SLC4A7: variants seen among roughly 807,000 people sequenced by gnomAD.
The protein encoded by SLC4A7 is sodium bicarbonate cotransporter 3.
SLC4A7 carries 51 observed loss-of-function variants against 137.6 expected under a neutral mutation model. That is an observed-to-expected ratio of 0.37 (90% confidence interval 0.30 to 0.47). SLC4A7 has a LOEUF of 0.47. Ranked by LOEUF, SLC4A7 falls within the 20% of genes least tolerant of loss-of-function variation. SLC4A7 has a pLI of 1.00. For synonymous variants in SLC4A7, 542 were observed against 518.6 expected, an observed-to-expected ratio of 1.05 and a Z score of -0.61; for missense variants, 1,247 against 1,525.4, an observed-to-expected ratio of 0.82 and a Z score of 3.04.
At chr3:27,381,806 C>T (rs2050444796) in intron 24 of SLC4A7, among the ~76,000 whole-genome samples, 1 of 152,120 alleles carries the variant, frequency 6.6e-6, no homozygotes, top group Non-Finnish European at 1.5e-5. Flanking sequence ...AATAGGAGGG[C>T]CAGGCACAGT....
At position 27,484,061 on chromosome 3, in the gene SLC4A7, C is replaced by T; in HGVS notation, c.60+6G>A. The T allele has an allele frequency of 1.4e-6, 2 of 1,405,292 alleles. No homozygotes were observed. Among genetic ancestry groups the T allele is most frequent in the Non-Finnish European group, 1.9e-6 (2 of 1,075,386 alleles). The allele number at this position is 1,405,292 out of a possible 1,614,324, so 87.1% of individuals were successfully genotyped here. A position where few individuals can be genotyped will look rare whatever the true frequency, so the allele number is the denominator to read the frequency against. Reference sequence around the variant, plus strand: ...CGGAGGAGCCCCACCGCCGCGGCGCCCTCACCCTGCTCGTTACCCGGGTGA... The same window carrying T: ...CGGAGGAGCCCCACCGCCGCGGCGCTCTCACCCTGCTCGTTACCCGGGTGA... On this transcript the variant is annotated splice_donor_region_variant and intron_variant, in intron 1 of 25. Transcript: ENST00000454389.
At chr3:27,405,612 A>T (rs1252814753) in intron 13 of SLC4A7, among the ~76,000 whole-genome samples, 1 of 152,234 alleles carries the variant, frequency 6.6e-6, no homozygotes, top group African/African-American at 2.4e-5. Context: ...CTATAAAAAG[A>T]TCTTTCGAAT....
chr3:27,417,600 A>G (rs1293684823), intron 11 of SLC4A7, among the ~76,000 whole-genome samples: 4 of 152,094 alleles, frequency 2.6e-5, no homozygotes, highest in Non-Finnish European at 4.4e-5. Context: ...CAAAGTATCA[A>G]AAAATTAGCT....
intron 7 of SLC4A7, chr3:27,428,143 A>G (rs1395748570): frequency 1.3e-5 from 2 of 152,652 alleles, no homozygotes; most frequent in East Asian, 3.8e-4. Flanking sequence ...TTACTTCTGA[A>G]TAATTATTTT....
intron 3 of SLC4A7, among the ~76,000 whole-genome samples, chr3:27,441,647 C>T (rs1238702750): frequency 6.6e-6 from 1 of 151,904 alleles, no homozygotes; most frequent in Non-Finnish European, 1.5e-5. Flanking sequence ...CATTGCCATA[C>T]CCAGGTAATT....
At chr3:27,464,621 A>C (rs1316471689) in intron 1 of SLC4A7, among the ~76,000 whole-genome samples, 1 of 151,906 alleles carries the variant, frequency 6.6e-6, no homozygotes, top group Admixed American at 6.6e-5. Flanking sequence ...TGAACCCGGG[A>C]GGCAGAGGTT....
At position 27,448,216 on chromosome 3, in the gene SLC4A7, C is replaced by CAAA. The variant is rs34846975; in HGVS notation, c.289+432_289+434dup. On this transcript the variant is annotated intron_variant, in intron 3 of 25. Transcript: ENST00000454389. Reference sequence around the variant, plus strand: ...GGGGTGACAGAGTAAGACTCCATCTCAAAAAAAAAAAAAAAAAAGAAGAAG... The same window carrying CAAA: ...GGGGTGACAGAGTAAGACTCCATCTCAAAAAAAAAAAAAAAAAAAAAGAAGAAG... Among the ~76,000 whole-genome samples the CAAA allele has an allele frequency of 3.9e-3, 408 of 104,324 alleles. 1 individual carries two copies. Among genetic ancestry groups the CAAA allele is most frequent in the African/African-American group, 0.012 (349 of 28,460 alleles). 68.4% of individuals were successfully genotyped at this position (104,324 alleles called of 152,430 possible). A position where few individuals can be genotyped will look rare whatever the true frequency, so the allele number is the denominator to read the frequency against.
chr3:27,385,734 A>G (rs1472254), intron 23 of SLC4A7, among the ~76,000 whole-genome samples, 158 bp downstream of exon 23: 88,478 of 151,922 alleles, frequency 0.58, 26,894 homozygotes, highest in African/African-American at 0.75. Flanking sequence ...TTCCTCATTT[A>G]TAAAATGGAG....
intron 3 of SLC4A7, among the ~76,000 whole-genome samples, chr3:27,440,704 G>A (rs2057121007): frequency 6.6e-6 from 1 of 151,574 alleles, no homozygotes; most frequent in Non-Finnish European, 1.5e-5. Context: ...CTCCAGCCTG[G>A]GTGGCACAGC....
In SLC4A7 at chr3:27,406,971, A is replaced by G. The variant is rs1195479038; in HGVS notation, c.1942-2008T>C. On this transcript the variant is annotated intron_variant, in intron 13 of 25. Transcript: ENST00000454389. ...GGAAAAAAATGTCTAAATGGTATACATACAGAGAAAAAAAGCAAAACATTG... is the reference window on the plus strand; with the variant it reads ...GGAAAAAAATGTCTAAATGGTATACGTACAGAGAAAAAAAGCAAAACATTG... Among the ~76,000 whole-genome samples, 3 of 152,148 alleles carry G rather than the reference A, an allele frequency of 2.0e-5. No homozygotes were observed. In the East Asian group the frequency reaches 5.8e-4, roughly 29 times the overall value.
Position 27,417,297 on chromosome 3 carries a change from A to G in SLC4A7, c.1659+1189T>C, listed in dbSNP as rs1405305611. 2.0e-5 allele frequency among the ~76,000 whole-genome samples: 3 copies of G among 152,332 alleles called. No individual in the cohort carries two copies. In the East Asian group the frequency reaches 5.8e-4, roughly 29 times the overall value. On this transcript the variant is annotated intron_variant, in intron 11 of 25. Transcript: ENST00000454389. ...TTAGAAAAAAGATGAAGCTGGGTCC[A>G]TACTCACATAAAATACGCTATCATA...
chr3:27,437,453 G>A lies in SLC4A7; in HGVS notation c.363C>T (p.Leu121=), dbSNP rs147168284. ...DDDEEHIPHD[L]FTEMDELCYR... is the part of the protein sequence containing the mutation. ...AACACAGTTCATCCATTTCCGTGAA[G>A]AGATCATGGGGAATATGTTCTTCAT... Residue 121 remains leucine (L), a synonymous_variant, in exon 4 of 26, where the codon CTC becomes CTT. Transcript: ENST00000454389. 1.5e-5 allele frequency: 24 copies of A among 1,599,558 alleles called. No homozygotes were observed. Among genetic ancestry groups the A allele is most frequent in the Non-Finnish European group, 2.0e-5 (24 of 1,170,856 alleles).
intron 1 of SLC4A7, among the ~76,000 whole-genome samples, chr3:27,464,225 A>T (rs1400284804): frequency 1.3e-5 from 2 of 152,254 alleles, no homozygotes. Flanking sequence ...TCGGAAGGAT[A>T]AAACCCATTT....
At chr3:27,449,954 T>C (rs2057953852) in intron 2 of SLC4A7, among the ~76,000 whole-genome samples, 1 of 152,186 alleles carries the variant, frequency 6.6e-6, no homozygotes, top group Non-Finnish European at 1.5e-5. Flanking sequence ...GGATTCCATA[T>C]TTGCGAAGTT....
chr3:27,429,203 T>C (rs1576404852), intron 7 of SLC4A7, among the ~76,000 whole-genome samples: 1 of 150,658 alleles, frequency 6.6e-6, no homozygotes, highest in African/African-American at 2.4e-5. Context: ...GAGGCGGAGG[T>C]TGCAGTAAGC....
rs140299171 is a variant in SLC4A7, at chr3:27,407,936, C to T, written c.1941+1420G>A. 4.1e-3 allele frequency among the ~76,000 whole-genome samples: 621 copies of T among 152,288 alleles called. 9 individuals are homozygous for T. The South Asian group carries it at 0.053, about 13-fold the overall frequency. Reference sequence around the variant, plus strand: ...CACTCTACACACTCTGGGACCGTATCTCCTAATATCTCCATTTCCACCTGA... The same window carrying T: ...CACTCTACACACTCTGGGACCGTATTTCCTAATATCTCCATTTCCACCTGA... On this transcript the variant is annotated intron_variant, in intron 13 of 25. Coordinates refer to ENST00000454389, the MANE Select transcript of SLC4A7 (RefSeq NM_001321103.2).
At chr3:27,474,035 G>T (rs1359490345) in intron 1 of SLC4A7, among the ~76,000 whole-genome samples, 1 of 152,092 alleles carries the variant, frequency 6.6e-6, no homozygotes, top group Non-Finnish European at 1.5e-5. Context: ...ATAACAACTA[G>T]AAACTATCTT....
chr3:27,409,819 T>C (rs1487126299), intron 12 of SLC4A7, among the ~76,000 whole-genome samples: 1 of 152,184 alleles, frequency 6.6e-6, no homozygotes, highest in Non-Finnish European at 1.5e-5. Flanking sequence ...GACACAAATG[T>C]GCAAGGCAAG....
At chr3:27,465,271 CAG>C (rs2058921780) in intron 1 of SLC4A7, among the ~76,000 whole-genome samples, 1 of 121,376 alleles carries the variant, frequency 8.2e-6, no homozygotes, top group Non-Finnish European at 1.6e-5. Flanking sequence ...GCCTGGGCAA[CAG>C]AGCAAGACTC....
Sources: allele counts gnomAD v4.1 joint callset (sites outside exome capture counted in the v4.1 genomes callset), GRCh38; gene constraint gnomAD v4.1.1; transcripts MANE v1.5; gene names NCBI Gene and HGNC (gene_info 2026-07-23, HGNC 2026-07-21).